Variants in KCNMA1 observed in about 807,000 individuals in gnomAD.
The protein encoded by KCNMA1 is Calcium-activated potassium channel subunit alpha-1.
A neutral mutation model predicts 140.0 loss-of-function variants in KCNMA1; 29 were observed. The observed-to-expected ratio is 0.21, with a 90% CI of 0.15 to 0.28. The LOEUF (loss-of-function observed/expected upper bound fraction) is 0.28, where lower values mean the gene tolerates loss of function less well. Among genes scored for constraint, KCNMA1 ranks in the 10% least tolerant of loss-of-function variants. The pLI is 1.00. For missense variants in KCNMA1, 880 were observed against 1,602.2 expected (o/e 0.55, Z 7.70); for synonymous variants, 612 against 611.9 (o/e 1.00, Z 0.00).
At chr10:76,925,329 A>G (rs1178114705) in intron 23 of KCNMA1, among the ~76,000 whole-genome samples, 6 of 152,112 alleles carry the variant, frequency 3.9e-5, no homozygotes, top group Non-Finnish European at 8.8e-5. Flanking sequence ...CTTTGCTGCC[A>G]CCACAAGAGG....
In KCNMA1 at chr10:77,565,545, C is replaced by T. The variant is rs980244407; in HGVS notation, c.378+71720G>A. On this transcript the variant is annotated intron_variant, in intron 1 of 27. Coordinates refer to ENST00000286628, the MANE Select transcript of KCNMA1 (RefSeq NM_001161352.2). ...GTGCTGAAGAGCTGGGGACAGGAGC[C>T]TGGTGATGGGCAGCCTCGGTTCCAG... 3.9e-5 allele frequency among the ~76,000 whole-genome samples: 6 copies of T among 152,186 alleles called. No homozygotes were observed. The East Asian group carries it at 1.2e-3, about 29-fold the overall frequency.
chr10:77,466,215 C>T (rs866409624), intron 1 of KCNMA1, among the ~76,000 whole-genome samples: 1 of 152,208 alleles, frequency 6.6e-6, no homozygotes, highest in Non-Finnish European at 1.5e-5. Context: ...CCTCACTTCG[C>T]CTGGTCTCCC....
chr10:77,538,079 CCA>C (rs1273042663), intron 1 of KCNMA1, among the ~76,000 whole-genome samples: 69 of 151,290 alleles, frequency 4.6e-4, no homozygotes, highest in Admixed American at 5.3e-4. Context: ...TCACACACAT[CCA>C]CATACTCTCA....
intron 5 of KCNMA1, among the ~76,000 whole-genome samples, chr10:77,130,591 C>A (rs1171565393): frequency 6.6e-6 from 1 of 152,056 alleles, no homozygotes; most frequent in African/African-American, 2.4e-5. Flanking sequence ...TAATCCAGAG[C>A]ATTCTAGTTA....
Position 77,376,588 on chromosome 10 carries a change from CA to C in KCNMA1, c.540+27273del, listed in dbSNP as rs2095117165. 3.1e-5 allele frequency: 3 copies of C among 98,336 alleles called. No homozygotes were observed. The South Asian group carries it at 1.0e-3, about 33-fold the overall frequency. 6.1% of individuals were successfully genotyped at this position (98,336 alleles called of 1,614,324 possible). A position where few individuals can be genotyped will look rare whatever the true frequency, so the allele number is the denominator to read the frequency against. On this transcript the variant is annotated intron_variant, in intron 2 of 27. Transcript: ENST00000286628. ...TTTCTAGAAGATAAGTGGCTAATTT[CA>C]AAATAATTATTTTATCAACTGCCAC...
chr10:77,327,723 T>C (rs1427402051), intron 2 of KCNMA1, among the ~76,000 whole-genome samples: 1 of 151,764 alleles, frequency 6.6e-6, no homozygotes, highest in Non-Finnish European at 1.5e-5. Context: ...CACTGTAAGG[T>C]AGGACTGCCC....
At chr10:77,344,645 C>T (rs939339019) in intron 2 of KCNMA1, among the ~76,000 whole-genome samples, 1 of 151,774 alleles carries the variant, frequency 6.6e-6, no homozygotes, top group Non-Finnish European at 1.5e-5. Flanking sequence ...ACAGGATGAT[C>T]TTTGTGTAGA....
At chr10:77,335,751 C>T (rs537023040) in intron 2 of KCNMA1, among the ~76,000 whole-genome samples, 1 of 152,270 alleles carries the variant, frequency 6.6e-6, no homozygotes, top group East Asian at 1.9e-4. Context: ...ACAGGTACCA[C>T]TAACCTCATT....
At chr10:76,891,406 T>A (rs980283674) in intron 26 of KCNMA1, 119 bp downstream of exon 26, 4 of 760,420 alleles carry the variant, frequency 5.3e-6, no homozygotes, top group Non-Finnish European at 6.8e-6. Flanking sequence ...CTCTTACAGT[T>A]ATCTACAATA....
At chr10:77,314,349 G>A (rs933599027) in intron 2 of KCNMA1, among the ~76,000 whole-genome samples, 4 of 152,156 alleles carry the variant, frequency 2.6e-5, no homozygotes, top group African/African-American at 7.2e-5. Context: ...CTGTCTGGCT[G>A]CAGGAATTAG....
At chr10:77,002,302 A>C (rs2086727483) in intron 18 of KCNMA1, among the ~76,000 whole-genome samples, 2 of 152,226 alleles carry the variant, frequency 1.3e-5, no homozygotes, top group Non-Finnish European at 2.9e-5. Flanking sequence ...CAGTTCACAA[A>C]TAAGAAATCA....
At chr10:77,293,457 TA>T (rs1428402554) in intron 2 of KCNMA1, among the ~76,000 whole-genome samples, 1 of 152,124 alleles carries the variant, frequency 6.6e-6, no homozygotes. Flanking sequence ...ACAGAAGAGG[TA>T]ACCATTCATG....
At chr10:76,919,982 TTGTGTGTGTGTGTG>T (rs1196371060) in intron 23 of KCNMA1, among the ~76,000 whole-genome samples, 3 of 77,616 alleles carry the variant, frequency 3.9e-5, no homozygotes, top group African/African-American at 1.5e-4. Flanking sequence ...GCAATGAGCA[TTGTGTGTGTGTGTG>T]TGTGTGTGTG....
intron 15 of KCNMA1, chr10:77,039,297 C>T (rs1208061114): frequency 3.4e-6 from 2 of 595,884 alleles, no homozygotes; most frequent in African/African-American, 3.7e-5. Context: ...ATGATGAATT[C>T]AAGTCCAAGA....
chr10:77,437,532 T>C (rs1265987992), intron 1 of KCNMA1, among the ~76,000 whole-genome samples: 3 of 152,144 alleles, frequency 2.0e-5, no homozygotes, highest in African/African-American at 4.8e-5. Context: ...AAAACATTCA[T>C]GGATAGAAAA....
chr10:77,436,601 AAAAGG>A (rs1376244562), intron 1 of KCNMA1, among the ~76,000 whole-genome samples: 1 of 152,214 alleles, frequency 6.6e-6, no homozygotes, highest in African/African-American at 2.4e-5. Context: ...CATTATACAG[AAAAGG>A]AAACAGCACA....
chr10:77,219,686 C>A (rs747991504), intron 3 of KCNMA1, among the ~76,000 whole-genome samples: 13 of 152,302 alleles, frequency 8.5e-5, no homozygotes, highest in Middle Eastern at 3.4e-3. Context: ...GTGGCGCGAT[C>A]TTGGCTCACT....
intron 3 of KCNMA1, among the ~76,000 whole-genome samples, chr10:77,211,778 A>G (rs1365251286): frequency 6.6e-6 from 1 of 152,152 alleles, no homozygotes; most frequent in Non-Finnish European, 1.5e-5. Context: ...CCACTAAAAA[A>G]TGGACAAAAG....
At chr10:77,102,383 C>T (rs1395700593) in intron 9 of KCNMA1, among the ~76,000 whole-genome samples, 4 of 152,112 alleles carry the variant, frequency 2.6e-5, no homozygotes, top group Admixed American at 1.3e-4. Context: ...GAATAGTGTG[C>T]GCTCTCAGGA....
Sources: allele counts gnomAD v4.1 joint callset (sites outside exome capture counted in the v4.1 genomes callset), GRCh38; gene constraint gnomAD v4.1.1; transcripts MANE v1.5; gene names NCBI Gene and HGNC (gene_info 2026-07-23, HGNC 2026-07-21).